Variants in FAM177A1 observed in about 807,000 individuals in gnomAD.
FAM177A1 encodes the protein protein FAM177A1.
In FAM177A1, 22 loss-of-function variants were observed where a neutral mutation model predicts 26.1. The observed-to-expected ratio is 0.84, with a 90% CI of 0.60 to 1.20. FAM177A1 has a LOEUF of 1.20. Among genes scored for constraint, FAM177A1 ranks in the 50% most tolerant of loss-of-function variants. The probability of loss-of-function intolerance (pLI) is 0.00; values close to 1 mark genes in which losing one functional copy is unlikely to be tolerated. For synonymous variants in FAM177A1, 95 were observed against 99.3 expected, an observed-to-expected ratio of 0.96 and a Z score of 0.26; for missense variants, 296 against 291.1, an observed-to-expected ratio of 1.02 and a Z score of -0.12.
intron 2 of FAM177A1, among the ~76,000 whole-genome samples, chr14:35,059,524 C>T (rs1023380751): frequency 6.7e-6 from 1 of 148,864 alleles, no homozygotes. Flanking sequence ...TCTACAGAAG[C>T]ATTTACATTT....
intron 3 of FAM177A1, among the ~76,000 whole-genome samples, chr14:35,077,661 T>G (rs2045419078): frequency 6.7e-6 from 1 of 149,578 alleles, no homozygotes. Flanking sequence ...TTTTTGTATT[T>G]TTAGTAGAGA....
chr14:35,058,033 A>G (rs2179890), intron 2 of FAM177A1, among the ~76,000 whole-genome samples: 51,831 of 151,754 alleles, frequency 0.34, 9,006 homozygotes, highest in East Asian at 0.41. Context: ...CTTGCTGATC[A>G]TCTGCCCTGT....
chr14:35,060,016 C>G (rs565792638), intron 2 of FAM177A1, among the ~76,000 whole-genome samples: 3 of 150,100 alleles, frequency 2.0e-5, no homozygotes, highest in African/African-American at 7.4e-5. Context: ...TCTTGTCGCC[C>G]AGGCGGGAGT....
chr14:35,055,690 T>A (rs1238154226), intron 2 of FAM177A1, among the ~76,000 whole-genome samples: 1 of 151,846 alleles, frequency 6.6e-6, no homozygotes, highest in Non-Finnish European at 1.5e-5. Flanking sequence ...AGTGCTGGGA[T>A]TACAGGCATG....
chr14:35,077,602 C>T (rs2045417968), intron 3 of FAM177A1, among the ~76,000 whole-genome samples: 2 of 151,356 alleles, frequency 1.3e-5, no homozygotes, highest in African/African-American at 4.9e-5. Flanking sequence ...CCTGCCTCAG[C>T]CTCCCGAGCA....
chr14:35,073,298 G>C (rs2045350521), intron 2 of FAM177A1, among the ~76,000 whole-genome samples: 1 of 152,178 alleles, frequency 6.6e-6, no homozygotes, highest in Admixed American at 6.5e-5. Context: ...GCAAAATCCT[G>C]AGCTCAGGTA....
chr14:35,060,454 AG>A (rs1261163836), intron 2 of FAM177A1, among the ~76,000 whole-genome samples: 6 of 151,970 alleles, frequency 3.9e-5, no homozygotes, highest in African/African-American at 1.5e-4. Flanking sequence ...TCAGTCTCAC[AG>A]GTATTTTTTG....
chr14:35,070,031 C>G (rs2045294174), intron 2 of FAM177A1, among the ~76,000 whole-genome samples: 1 of 135,554 alleles, frequency 7.4e-6, no homozygotes, highest in Admixed American at 8.4e-5. Context: ...CAGAGAATTG[C>G]TTGAACCTGG....
At chr14:35,045,412 A>G (rs993332259), upstream of FAM177A1, among the ~76,000 whole-genome samples, 1 of 152,220 alleles carries the variant, frequency 6.6e-6, no homozygotes, top group African/African-American at 2.4e-5. Context: ...TTGGCACAGA[A>G]GAGAAAGGAA....
At chr14:35,065,294 C>T (rs939212632) in intron 2 of FAM177A1, among the ~76,000 whole-genome samples, 1 of 147,422 alleles carries the variant, frequency 6.8e-6, no homozygotes, top group Admixed American at 6.8e-5. Flanking sequence ...TAATAGAATA[C>T]ATTATGGTTT....
At chr14:35,076,489 G>GC (rs2045398711) in intron 2 of FAM177A1, among the ~76,000 whole-genome samples, 1 of 151,998 alleles carries the variant, frequency 6.6e-6, no homozygotes, top group African/African-American at 2.4e-5. Context: ...TATACCTAAT[G>GC]TAAATGACGA....
chr14:35,067,415 TTATC>T (rs2045256213), intron 2 of FAM177A1, among the ~76,000 whole-genome samples: 1 of 152,240 alleles, frequency 6.6e-6, no homozygotes, highest in Non-Finnish European at 1.5e-5. Context: ...CACATTTTCT[TTATC>T]CATTCATCTG....
chr14:35,052,933 T>A (rs967396851), intron 1 of FAM177A1, among the ~76,000 whole-genome samples: 2 of 152,088 alleles, frequency 1.3e-5, no homozygotes, highest in Non-Finnish European at 2.9e-5. Context: ...GAAAAAAAAA[T>A]TCCATAGACT....
At position 35,053,440 on chromosome 14, in the gene FAM177A1, A is replaced by C. The variant is rs1039624829; in HGVS notation, c.328A>C (p.Thr110Pro). Residue 110 changes from threonine (T) to proline (P), a missense_variant, in exon 2 of 5, where the codon ACT becomes CCT. Coordinates refer to ENST00000280987, the MANE Select transcript of FAM177A1 (RefSeq NM_173607.5). The stretch of plus-strand genomic sequence containing the variant: ...CCTGGAGAAGAAAGATGTTTTGCCT[A>C]CTGTTGATCCGGTAGGTTTGATATT... ...DGLEKKDVLP[T>P]VDPTKLTWGP... 1 of 1,613,882 alleles carries C rather than the reference A, an allele frequency of 6.2e-7. No homozygotes were observed. The highest frequency in any genetic ancestry group is 1.3e-5 in the African/African-American group (1 of 74,916).
At chr14:35,066,856 C>T (rs1379997876) in intron 2 of FAM177A1, among the ~76,000 whole-genome samples, 1 of 151,274 alleles carries the variant, frequency 6.6e-6, no homozygotes, top group East Asian at 2.0e-4. Flanking sequence ...CGCAATGGCA[C>T]AATCTCAGCT....
At chr14:35,061,534 T>TA (rs1321970342) in intron 2 of FAM177A1, among the ~76,000 whole-genome samples, 3 of 122,936 alleles carry the variant, frequency 2.4e-5, no homozygotes, top group African/African-American at 3.0e-5. Context: ...TTTTTTTTTT[T>TA]ATCTCACTCA....
chr14:35,046,974 C>T (rs1452659466), intron 1 of FAM177A1: 13 of 1,078,968 alleles, frequency 1.2e-5, no homozygotes, highest in Non-Finnish European at 1.5e-5. Context: ...GCTTCAACCA[C>T]TTCTCAGTCT....
chr14:35,079,345 A>G (rs999360700), intron 4 of FAM177A1, among the ~76,000 whole-genome samples: 29 of 152,204 alleles, frequency 1.9e-4, no homozygotes, highest in Non-Finnish European at 4.0e-4. Context: ...AAGAAACAAG[A>G]TACTTAGAGC....
intron 2 of FAM177A1, among the ~76,000 whole-genome samples, chr14:35,068,966 C>G (rs180841452): frequency 7.9e-4 from 121 of 152,346 alleles, no homozygotes; most frequent in South Asian, 3.7e-3. Context: ...GATGCTGGAG[C>G]TGTCATGGCA....
Sources: allele counts gnomAD v4.1 joint callset (sites outside exome capture counted in the v4.1 genomes callset), GRCh38; gene constraint gnomAD v4.1.1; transcripts MANE v1.5; gene names NCBI Gene and HGNC (gene_info 2026-07-23, HGNC 2026-07-21).